The following PIK3C3 variants were observed in gnomAD, a reference collection of about 807,000 sequenced individuals.
PIK3C3 encodes PI3-kinase type 3.
PIK3C3 carries 95 observed loss-of-function variants against 126.1 expected under a neutral mutation model. The ratio of observed to expected loss-of-function variants is 0.75; its 90% CI spans 0.64 to 0.89. The LOEUF is 0.89. Ranked by LOEUF, PIK3C3 falls within the 40% of genes least tolerant of loss-of-function variation. PIK3C3 has a pLI of 0.00. For missense variants in PIK3C3, 829 were observed against 1,063.2 expected (o/e 0.78, Z 3.06); for synonymous variants, 374 against 360.0 (o/e 1.04, Z -0.44).
intron 21 of PIK3C3, chr18:42,050,463 A>G (rs1984752893): frequency 6.6e-6 from 1 of 152,150 alleles, no homozygotes; most frequent in Admixed American, 6.5e-5. Context: ...TTGTCATTAT[A>G]TATGGCCAGT....
chr18:42,061,238 C>T (rs1254941493), intron 22 of PIK3C3, among the ~76,000 whole-genome samples: 1 of 152,042 alleles, frequency 6.6e-6, no homozygotes, highest in East Asian at 1.9e-4. Flanking sequence ...GCACGCTTTC[C>T]CACCCTATTA....
intron 3 of PIK3C3, among the ~76,000 whole-genome samples, chr18:41,969,628 C>A (rs1413131110): frequency 6.6e-6 from 1 of 152,148 alleles, no homozygotes; most frequent in African/African-American, 2.4e-5. Context: ...ACTTTTAGAA[C>A]ATGCCTTTTA....
At chr18:41,989,040 G>A (rs1469708607) in intron 5 of PIK3C3, among the ~76,000 whole-genome samples, 1 of 151,986 alleles carries the variant, frequency 6.6e-6, no homozygotes, top group Non-Finnish European at 1.5e-5. Context: ...TCATAAAGCT[G>A]AAGAATTTAA....
chr18:42,074,598 CA>C (rs1186356130), intron 24 of PIK3C3, among the ~76,000 whole-genome samples: 1 of 151,974 alleles, frequency 6.6e-6, no homozygotes, highest in East Asian at 1.9e-4. Flanking sequence ...TATGTAGCTG[CA>C]AAACAAACTA....
intron 15 of PIK3C3, 46 bp downstream of exon 15, chr18:42,029,487 C>T: frequency 1.1e-6 from 1 of 892,636 alleles, no homozygotes; most frequent in Non-Finnish European, 1.8e-6. Flanking sequence ...ATCTTGGCAT[C>T]AGAAAATACT....
chr18:42,004,683 AC>A, intron 10 of PIK3C3, 142 bp downstream of exon 10: 1 of 632,492 alleles, frequency 1.6e-6, no homozygotes, highest in Non-Finnish European at 2.6e-6. Flanking sequence ...AAGAGGATAT[AC>A]TAGGTGTATT....
At chr18:41,986,433 GA>G (rs112068286) in intron 4 of PIK3C3, among the ~76,000 whole-genome samples, 12,299 of 152,110 alleles carry the variant, frequency 0.081, 1,630 homozygotes, top group African/African-American at 0.28. Flanking sequence ...ATGACTGCAT[GA>G]AATAATACCA....
chr18:42,020,709 T>C lies in PIK3C3; in HGVS notation c.1484+4T>C. 1 of 1,522,590 alleles carries C rather than the reference T, an allele frequency of 6.6e-7. No homozygotes were observed. The highest frequency in any genetic ancestry group is 9.1e-7 in the Non-Finnish European group (1 of 1,102,824). 94.3% of individuals were successfully genotyped at this position (1,522,590 alleles called of 1,614,324 possible). A position where few individuals can be genotyped will look rare whatever the true frequency, so the allele number is the denominator to read the frequency against. On this transcript the variant is annotated splice_donor_region_variant and intron_variant, in intron 13 of 24. Transcript: ENST00000262039. ...CACTGGCTAATTATTTATACTGGTA[T>C]GTAAAAATAATTTTCTGTTTATTTT...
chr18:42,078,520 C>G (rs1434585649), intron 24 of PIK3C3, among the ~76,000 whole-genome samples: 1 of 151,656 alleles, frequency 6.6e-6, no homozygotes, highest in Non-Finnish European at 1.5e-5. Context: ...CTAGGATTTT[C>G]AGAGTGGTAA....
rs755513912 is a variant in PIK3C3 at position 41,957,690 on chromosome 18, T to G, written c.189T>G (p.Val63=). The G allele has an allele frequency of 6.2e-7, 1 of 1,614,002 alleles. No homozygotes were observed. Among genetic ancestry groups the G allele is most frequent in the South Asian group, 1.1e-5 (1 of 91,070 alleles). ...TCSDLYVTCQ[V]FAEGKPLALP... is the part of the protein sequence containing the mutation. ...CTGATCTTTATGTTACTTGTCAAGTTTTTGCAGAAGGGAAGCCTTTGGCCT... is the reference window on the plus strand; with the variant it reads ...CTGATCTTTATGTTACTTGTCAAGTGTTTGCAGAAGGGAAGCCTTTGGCCT... Residue 63 remains valine (V), a synonymous_variant, in exon 2 of 25, where the codon GTT becomes GTG. Coordinates refer to ENST00000262039, the MANE Select transcript of PIK3C3 (RefSeq NM_002647.4).
chr18:42,020,728 T>C (rs1983283106), intron 13 of PIK3C3, 23 bp downstream of exon 13: 1 of 1,277,576 alleles, frequency 7.8e-7, no homozygotes, highest in East Asian at 2.4e-5. Flanking sequence ...AATTTTCTGT[T>C]TATTTTCTTA....
At chr18:42,062,438 A>AT (rs60319154) in intron 22 of PIK3C3, among the ~76,000 whole-genome samples, 5,862 of 146,872 alleles carry the variant, frequency 0.04, 200 homozygotes, top group East Asian at 0.15. Context: ...ACATTATGAG[A>AT]TTTTTTTTTT....
chr18:41,968,363 A>G (rs914950324), intron 3 of PIK3C3, among the ~76,000 whole-genome samples: 3 of 152,174 alleles, frequency 2.0e-5, no homozygotes, highest in African/African-American at 7.2e-5. Flanking sequence ...TGTTGAATCT[A>G]TATCTCAGTT....
At chr18:42,052,171 G>C (rs573936674) in intron 21 of PIK3C3, among the ~76,000 whole-genome samples, 2 of 152,064 alleles carry the variant, frequency 1.3e-5, no homozygotes, top group African/African-American at 4.8e-5. Flanking sequence ...GTGTGTGTGC[G>C]TATGTGTGTT....
In PIK3C3 at chr18:42,087,685, A is replaced by G. The variant is rs1197298215; in HGVS notation, c.*6548A>G. The G allele has an allele frequency of 2.6e-5, 4 of 152,204 alleles. No individual in the cohort carries two copies. The highest frequency in any genetic ancestry group is 5.9e-5 in the Non-Finnish European group (4 of 68,042). The allele number at this position is 152,204 out of a possible 1,614,324, so 9.4% of individuals were successfully genotyped here. On this transcript the variant is annotated 3_prime_UTR_variant, in exon 25 of 25. Transcript: ENST00000262039. ...TTCTTAACTCCTATGTCAATTTTAT[A>G]CAGCATGAAATAATGATGTATCTAT...
rs1265091694 is a variant in PIK3C3, at chr18:41,962,601, G to A, written c.370G>A (p.Gly124Arg). Residue 124 changes from glycine (G) to arginine (R), a missense_variant, in exon 3 of 25, where the codon GGA becomes AGA. Around this residue, in one of 4 missense-constraint regions of PIK3C3, gnomAD observed 313 missense variants for 340.7 expected, o/e 0.92. Coordinates refer to ENST00000262039, the MANE Select transcript of PIK3C3 (RefSeq NM_002647.4). ...TCCCGGAAAAGCAGTGCCTGTAGGA[G>A]GAACAACGGTTTCGCTCTTTGGAAA... ...YGPGKAVPVGGTTVSLFGKYG... is the reference protein window; with the variant it reads ...YGPGKAVPVGRTTVSLFGKYG... 1 of 1,611,784 alleles carries A rather than the reference G, an allele frequency of 6.2e-7. No homozygotes were observed. The highest frequency in any genetic ancestry group is 1.3e-5 in the African/African-American group (1 of 74,952).
chr18:42,055,598 T>A (rs529942190), intron 21 of PIK3C3, among the ~76,000 whole-genome samples: 1 of 152,116 alleles, frequency 6.6e-6, no homozygotes, highest in Non-Finnish European at 1.5e-5. Flanking sequence ...ATATAAAAAA[T>A]TGAAGAGTGG....
chr18:42,017,859 T>C (rs940328688), intron 12 of PIK3C3, among the ~76,000 whole-genome samples: 4 of 152,040 alleles, frequency 2.6e-5, no homozygotes, highest in African/African-American at 9.7e-5. Flanking sequence ...TGTAGCTAAA[T>C]TTTGTTTTTA....
Position 42,057,930 on chromosome 18 carries a change from A to T in PIK3C3, c.2311A>T (p.Lys771Ter). The change falls in exon 22 of 25, where the codon AAG (lysine) becomes TAG (stop). Residue 771 changes from lysine (K) to a stop codon, truncating the protein, a stop_gained. Transcript: ENST00000262039. LOFTEE classifies it high-confidence loss of function. ...DFGYILGRDP[K>*]PLPPPMKLNK... ...TGGATATATTTTGGGTCGGGATCCA[A>T]AGCCTCTTCCTCCACCAATGAAGCT... 1 of 1,613,884 alleles carries T rather than the reference A, an allele frequency of 6.2e-7. No individual in the cohort carries two copies. The highest frequency in any genetic ancestry group is 8.5e-7 in the Non-Finnish European group (1 of 1,179,872).
Sources: gnomAD v4.1 joint callset for allele counts (sites outside exome capture counted in the v4.1 genomes callset) on GRCh38, gnomAD v4.1.1 for gene constraint, gnomAD v4.1.1 regional missense constraint, MANE v1.5 for transcripts, NCBI Gene and HGNC (gene_info 2026-07-23, HGNC 2026-07-21) for gene names.